LRBA: variants seen among roughly 807,000 people sequenced by gnomAD.
LRBA encodes LPS responsive beige-like anchor protein, also known as lipopolysaccharide-responsive and beige-like anchor protein.
A neutral mutation model predicts 330.0 loss-of-function variants in LRBA; 176 were observed. That is an observed-to-expected ratio of 0.53 (90% CI 0.47 to 0.60). The LOEUF (loss-of-function observed/expected upper bound fraction) is 0.60, where lower values mean the gene tolerates loss of function less well. Among genes scored for constraint, LRBA ranks in the 20% least tolerant of loss-of-function variants. The pLI is 0.00. For missense variants in LRBA, 3,259 were observed against 3,444.8 expected (o/e 0.95, Z 1.35); for synonymous variants, 1,230 against 1,193.0 (o/e 1.03, Z -0.64).
At chr4:150,657,519 A>G (rs1780326246) in intron 37 of LRBA, among the ~76,000 whole-genome samples, 1 of 152,012 alleles carries the variant, frequency 6.6e-6, no homozygotes, top group South Asian at 2.1e-4. Context: ...ATGGGTTAAA[A>G]AACAAATTTT....
At chr4:150,405,436 A>C (rs1246424486) in intron 47 of LRBA, among the ~76,000 whole-genome samples, 2 of 152,144 alleles carry the variant, frequency 1.3e-5, no homozygotes, top group African/African-American at 4.8e-5. Flanking sequence ...CAATTCTATA[A>C]AACTTTTACT....
intron 40 of LRBA, among the ~76,000 whole-genome samples, chr4:150,558,947 T>C (rs1767686826): frequency 6.6e-6 from 1 of 152,116 alleles, no homozygotes; most frequent in Non-Finnish European, 1.5e-5. Context: ...AAATAATACA[T>C]AGACTAGCAA....
intron 36 of LRBA, among the ~76,000 whole-genome samples, chr4:150,729,878 G>C (rs757614374): frequency 6.6e-6 from 1 of 152,112 alleles, no homozygotes; most frequent in Non-Finnish European, 1.5e-5. Context: ...AAGGTGCCAA[G>C]AACAAACATT....
rs570162914 is a variant in LRBA, at chr4:150,660,831, G to A, written c.5921+22720C>T. On this transcript the variant is annotated intron_variant, in intron 37 of 56. Coordinates refer to ENST00000651943, the MANE Select transcript of LRBA (RefSeq NM_001364905.1). ...ACTCAGGGTTAAATGGATTAAGGGCGGTGCAAGATGTGCTTTGTTAAACAG... is the reference window on the plus strand; with the variant it reads ...ACTCAGGGTTAAATGGATTAAGGGCAGTGCAAGATGTGCTTTGTTAAACAG... Among the ~76,000 whole-genome samples the A allele has an allele frequency of 5.9e-5, 7 of 118,316 alleles. No individual in the cohort carries two copies. In the East Asian group the frequency reaches 1.4e-3, roughly 24 times the overall value. The allele number at this position is 118,316 out of a possible 152,430, so 77.6% of individuals were successfully genotyped here.
At chr4:150,346,785 A>C (rs919359279) in intron 48 of LRBA, among the ~76,000 whole-genome samples, 11 of 127,880 alleles carry the variant, frequency 8.6e-5, no homozygotes, top group Admixed American at 2.4e-4. Flanking sequence ...AAAAAAAAAA[A>C]AACACTTATT....
chr4:150,387,447 A>G (rs944326941), intron 47 of LRBA, among the ~76,000 whole-genome samples: 1 of 152,174 alleles, frequency 6.6e-6, no homozygotes, highest in African/African-American at 2.4e-5. Context: ...ACTAGGCTTG[A>G]TATATTTGAT....
At chr4:150,468,062 G>T (rs1322037530) in intron 43 of LRBA, among the ~76,000 whole-genome samples, 1 of 151,860 alleles carries the variant, frequency 6.6e-6, no homozygotes, top group Non-Finnish European at 1.5e-5. Flanking sequence ...AGATTTTCTG[G>T]TCCTAAGTTT....
intron 46 of LRBA, chr4:150,422,806 G>A (rs1749007487): frequency 1.4e-6 from 2 of 1,471,134 alleles, no homozygotes; most frequent in South Asian, 2.3e-5. Context: ...ATGTGCTGCG[G>A]TTTGCCCTGG....
intron 46 of LRBA, among the ~76,000 whole-genome samples, chr4:150,427,061 C>G (rs970499383): frequency 6.6e-6 from 1 of 151,712 alleles, no homozygotes; most frequent in African/African-American, 2.4e-5. Flanking sequence ...AGAGAAGATG[C>G]AAATAAAATT....
chr4:150,359,313 CT>C (rs923112175), intron 47 of LRBA, among the ~76,000 whole-genome samples: 1 of 152,092 alleles, frequency 6.6e-6, no homozygotes, highest in African/African-American at 2.4e-5. Flanking sequence ...TGAGACATCC[CT>C]TTGGAAGAAG....
At chr4:150,704,114 T>A (rs1468373515) in intron 36 of LRBA, among the ~76,000 whole-genome samples, 1 of 152,104 alleles carries the variant, frequency 6.6e-6, no homozygotes, top group Non-Finnish European at 1.5e-5. Flanking sequence ...CCTTGGAGGC[T>A]GAGGTGAGAG....
chr4:150,316,484 A>C (rs1731734259), intron 50 of LRBA, among the ~76,000 whole-genome samples: 1 of 152,176 alleles, frequency 6.6e-6, no homozygotes, highest in Non-Finnish European at 1.5e-5. Flanking sequence ...ATAAACCCTA[A>C]AACAGGGTTC....
At chr4:150,683,428 T>A in intron 37 of LRBA, 123 bp downstream of exon 37, 1 of 770,610 alleles carries the variant, frequency 1.3e-6, no homozygotes, top group Non-Finnish European at 2.2e-6. Context: ...TTCATAGAGA[T>A]GATGAAAGAC....
At chr4:150,356,719 T>G (rs756139200) in intron 47 of LRBA, among the ~76,000 whole-genome samples, 3 of 151,988 alleles carry the variant, frequency 2.0e-5, no homozygotes, top group Non-Finnish European at 4.4e-5. Flanking sequence ...GATTACATCT[T>G]CAGGTAAAAC....
intron 8 of LRBA, among the ~76,000 whole-genome samples, chr4:150,915,392 A>T (rs1732473734): frequency 1.3e-5 from 2 of 152,090 alleles, no homozygotes; most frequent in African/African-American, 4.8e-5. Flanking sequence ...GTTAGCTATA[A>T]ATCCTTATTT....
intron 42 of LRBA, among the ~76,000 whole-genome samples, chr4:150,483,335 C>A (rs1757506971): frequency 6.6e-6 from 1 of 151,880 alleles, no homozygotes. Flanking sequence ...CTGTTACAGT[C>A]CATTGGTTTA....
chr4:150,402,378 G>A (rs1388051180), intron 47 of LRBA, among the ~76,000 whole-genome samples: 1 of 151,756 alleles, frequency 6.6e-6, no homozygotes, highest in Non-Finnish European at 1.5e-5. Context: ...ACGATAAAGT[G>A]AATGAATAAC....
chr4:150,527,951 T>C (rs918208224), intron 40 of LRBA, among the ~76,000 whole-genome samples: 3 of 152,236 alleles, frequency 2.0e-5, no homozygotes, highest in Admixed American at 6.5e-5. Flanking sequence ...CCAGCAATGA[T>C]TTCCCATTGG....
Position 150,893,658 on chromosome 4 carries a change from T to C in LRBA, c.2068-509A>G, listed in dbSNP as rs527733916. Among the ~76,000 whole-genome samples, 14 of 151,956 alleles carry C rather than the reference T, an allele frequency of 9.2e-5. 1 individual carries two copies. The South Asian group carries it at 2.7e-3, about 29-fold the overall frequency. ...GCCACCGCACCTGACCTCAAAACAA[T>C]TTCTTTGTTTTTTTGTTTTTTGTTT... On this transcript the variant is annotated intron_variant, in intron 16 of 56. Transcript: ENST00000651943.
Sources: allele counts gnomAD v4.1 joint callset (sites outside exome capture counted in the v4.1 genomes callset), GRCh38; gene constraint gnomAD v4.1.1; transcripts MANE v1.5; gene names NCBI Gene and HGNC (gene_info 2026-07-23, HGNC 2026-07-21).